The following S100PBP variants were observed in gnomAD, a reference collection of about 807,000 sequenced individuals.
The protein encoded by S100PBP is S100P-binding protein.
In S100PBP, 15 loss-of-function variants were observed where a neutral mutation model predicts 39.9. The observed-to-expected ratio is 0.38, with a 90% CI of 0.25 to 0.58. S100PBP has a LOEUF of 0.58. S100PBP is among the 20% of genes least tolerant of loss of function. The pLI, the probability that S100PBP is intolerant of heterozygous loss-of-function variation, is 0.70. For missense variants in S100PBP, 504 were observed against 487.3 expected, an observed-to-expected ratio of 1.03 and a Z score of -0.32; for synonymous variants, 178 against 180.3, an observed-to-expected ratio of 0.99 and a Z score of 0.10.
At chr1:32,828,621 TA>T (rs1557489162) in intron 4 of S100PBP, among the ~76,000 whole-genome samples, 1 of 152,188 alleles carries the variant, frequency 6.6e-6, no homozygotes, top group Admixed American at 6.5e-5. Context: ...AAGCTTTTTT[TA>T]AAATGTTGGA....
At chr1:32,849,797 T>C (rs936901702) in intron 5 of S100PBP, among the ~76,000 whole-genome samples, 4 of 152,230 alleles carry the variant, frequency 2.6e-5, no homozygotes, top group Non-Finnish European at 5.9e-5. Flanking sequence ...TAGTTTTATA[T>C]TGTTGGAATT....
At chr1:32,816,696 G>GA (rs1168647517), upstream of S100PBP, 6 of 165,756 alleles carry the variant, frequency 3.6e-5, no homozygotes, top group Admixed American at 3.5e-4. Context: ...AACATTTGTG[G>GA]AGTGAGGGGG....
intron 5 of S100PBP, among the ~76,000 whole-genome samples, chr1:32,842,221 G>GTATA (rs373787383): frequency 0.01 from 943 of 91,662 alleles, 13 homozygotes; most frequent in East Asian, 0.033. Context: ...ATATATATAT[G>GTATA]TATATATATA....
intron 2 of S100PBP, among the ~76,000 whole-genome samples, chr1:32,825,885 T>A (rs1184388648): frequency 6.6e-6 from 1 of 152,266 alleles, no homozygotes; most frequent in Non-Finnish European, 1.5e-5. Flanking sequence ...CATGGCATCT[T>A]AATTATCACC....
upstream of S100PBP, chr1:32,816,702 G>A (rs561409430): frequency 2.0e-4 from 31 of 157,558 alleles, 1 homozygote; most frequent in South Asian, 3.2e-3. Context: ...TGTGGAGTGA[G>A]GGGGGGGGAT....
rs1640878384 is a variant in S100PBP at position 32,857,754 on chromosome 1, T to C, written c.*1716T>C. The C allele has an allele frequency of 6.6e-6, 1 of 152,254 alleles. No homozygotes were observed. Among genetic ancestry groups the C allele is most frequent in the South Asian group, 2.1e-4 (1 of 4,834 alleles). 9.4% of individuals were successfully genotyped at this position (152,254 alleles called of 1,614,324 possible). ...GTTTTGTGATTTCATCAATCCCATC[T>C]TTCTGTGTGAGTAATGCATTCTAAA... On this transcript the variant is annotated 3_prime_UTR_variant, in exon 7 of 7. Coordinates refer to ENST00000373475, the MANE Select transcript of S100PBP (RefSeq NM_022753.4).
intron 5 of S100PBP, among the ~76,000 whole-genome samples, chr1:32,844,451 A>G (rs759200021): frequency 6.6e-6 from 1 of 152,124 alleles, no homozygotes; most frequent in Non-Finnish European, 1.5e-5. Context: ...ACTTGTGCCT[A>G]GCCTAGGTTA....
intron 5 of S100PBP, 199 bp from the exon 6 acceptor site, chr1:32,852,864 AATGAATGGTGGCTGCT>A (rs967457424): frequency 7.1e-5 from 36 of 509,558 alleles, no homozygotes; most frequent in Non-Finnish European, 1.2e-4. Context: ...GTGTTGAATG[AATGAATGGTGGCTGCT>A]ATTATTGCTT....
upstream of S100PBP, chr1:32,817,325 A>G: frequency 6.4e-7 from 1 of 1,568,068 alleles, no homozygotes; most frequent in South Asian, 1.1e-5. Context: ...CGTGCCGGGA[A>G]CTGTCACGCG....
chr1:32,817,320 C>T (rs527409239), upstream of S100PBP: 2 of 1,583,878 alleles, frequency 1.3e-6, no homozygotes, highest in African/African-American at 1.3e-5. Context: ...CGCCGCGTGC[C>T]GGGAACTGTC....
intron 5 of S100PBP, among the ~76,000 whole-genome samples, chr1:32,848,278 G>T (rs1569940442): frequency 1.3e-5 from 2 of 152,214 alleles, no homozygotes; most frequent in East Asian, 3.9e-4. Context: ...CTGCACTCCA[G>T]CCTGGGCAAA....
rs562828216 is a variant in S100PBP, at chr1:32,844,168, G to A, written c.1025-8911G>A. Among the ~76,000 whole-genome samples the A allele has an allele frequency of 1.2e-4, 19 of 152,170 alleles. No individual in the cohort carries two copies. In the East Asian group the frequency reaches 2.5e-3, roughly 20 times the overall value. ...TGACCTTAGGTGATCCGCCCACTTCGGCCTCCGCAATTGCTGGGATTACAG... is the reference window on the plus strand; with the variant it reads ...TGACCTTAGGTGATCCGCCCACTTCAGCCTCCGCAATTGCTGGGATTACAG... On this transcript the variant is annotated intron_variant, in intron 5 of 6. Coordinates refer to ENST00000373475, the MANE Select transcript of S100PBP (RefSeq NM_022753.4).
At chr1:32,830,123 C>T (rs555210171) in intron 5 of S100PBP, 56 bp downstream of exon 5, 20 of 1,075,360 alleles carry the variant, frequency 1.9e-5, no homozygotes, top group East Asian at 1.2e-4. Context: ...TTTCTCTTTC[C>T]GGTGTAACAG....
intron 5 of S100PBP, among the ~76,000 whole-genome samples, chr1:32,848,316 TAAAGAA>T (rs749501034): frequency 6.6e-6 from 1 of 151,678 alleles, no homozygotes; most frequent in Non-Finnish European, 1.5e-5. Context: ...CAAAAAAAAA[TAAAGAA>T]AAAAGAAATG....
chr1:32,834,921 A>C (rs1639749866), intron 5 of S100PBP: 1 of 152,086 alleles, frequency 6.6e-6, no homozygotes, highest in South Asian at 2.1e-4. Flanking sequence ...CAGATGGATC[A>C]TCTGAGGTCA....
chr1:32,824,071 A>T (rs927621642), intron 1 of S100PBP, among the ~76,000 whole-genome samples: 7 of 152,006 alleles, frequency 4.6e-5, no homozygotes, highest in Non-Finnish European at 8.8e-5. Context: ...GGTGGCGGTC[A>T]CCTGTAGTCC....
rs1640811446 is a variant in S100PBP at position 32,856,172 on chromosome 1, G to A, written c.*134G>A. The A allele has an allele frequency of 9.0e-6, 5 of 556,080 alleles. No homozygotes were observed. The highest frequency in any genetic ancestry group is 3.3e-5 in the Admixed American group (1 of 30,580). The allele number at this position is 556,080 out of a possible 1,614,324, so 34.4% of individuals were successfully genotyped here. ...CACAAAATTTTTATTTAAAAAACTC[G>A]TCACCTTTTGGAAATGCCCATTGCC... is the stretch of plus-strand genomic sequence containing the variant. On this transcript the variant is annotated 3_prime_UTR_variant, in exon 7 of 7. Transcript: ENST00000373475.
At chr1:32,847,462 G>A (rs1042283490) in intron 5 of S100PBP, 2 of 152,102 alleles carry the variant, frequency 1.3e-5, no homozygotes, top group African/African-American at 4.8e-5. Flanking sequence ...ACAGTGAGAG[G>A]TTAAGTCCCC....
At chr1:32,849,046 A>G (rs184452763) in intron 5 of S100PBP, among the ~76,000 whole-genome samples, 1 of 152,332 alleles carries the variant, frequency 6.6e-6, no homozygotes, top group African/African-American at 2.4e-5. Flanking sequence ...GGTTCAAACT[A>G]TAAGCTAAAA....
Sources: allele counts gnomAD v4.1 joint callset (sites outside exome capture counted in the v4.1 genomes callset), GRCh38; gene constraint gnomAD v4.1.1; transcripts MANE v1.5; gene names NCBI Gene and HGNC (gene_info 2026-07-23, HGNC 2026-07-21).